The following CAB39 variants were observed in gnomAD, a reference collection of about 807,000 sequenced individuals.
CAB39 encodes calcium-binding protein 39.
In CAB39, 8 loss-of-function variants were observed where a neutral mutation model predicts 40.0. The ratio of observed to expected loss-of-function variants is 0.20; its 90% CI spans 0.12 to 0.36. The LOEUF is 0.36. CAB39 is among the 10% of genes least tolerant of loss of function. CAB39 has a pLI of 1.00. For synonymous variants in CAB39, 156 were observed against 141.6 expected (o/e 1.10, Z -0.72); for missense variants, 270 against 401.1 (o/e 0.67, Z 2.79).
At chr2:230,754,438 CCCCTCCTTCTTCCCCTTT>C (rs764257604) in intron 1 of CAB39, among the ~76,000 whole-genome samples, 4,487 of 127,816 alleles carry the variant, frequency 0.035, 317 homozygotes, top group African/African-American at 0.13. Flanking sequence ...TCTTCCCCTT[CCCCTCCTTCTTCCCCTTT>C]CCCTCCTTCT....
chr2:230,743,195 G>A (rs758622838), intron 1 of CAB39, among the ~76,000 whole-genome samples: 4 of 152,156 alleles, frequency 2.6e-5, no homozygotes, highest in Non-Finnish European at 4.4e-5. Flanking sequence ...AAGACAAGGA[G>A]TTGCAGTTTC....
intron 1 of CAB39, among the ~76,000 whole-genome samples, chr2:230,717,734 G>T (rs985109781): frequency 6.6e-6 from 1 of 152,138 alleles, no homozygotes; most frequent in Non-Finnish European, 1.5e-5. Flanking sequence ...ATTTTTGGGG[G>T]GTGTTGTGCC....
At chr2:230,761,382 G>A (rs143315937) in intron 2 of CAB39, among the ~76,000 whole-genome samples, 87 of 152,190 alleles carry the variant, frequency 5.7e-4, no homozygotes, top group African/African-American at 2.0e-3. Flanking sequence ...GTACTTAACT[G>A]TAAAAAATAT....
intron 2 of CAB39, among the ~76,000 whole-genome samples, chr2:230,785,307 T>C (rs1695769494): frequency 7.0e-6 from 1 of 142,234 alleles, no homozygotes; most frequent in Admixed American, 7.8e-5. Context: ...ACTTGGACTA[T>C]GGTAAATACA....
intron 1 of CAB39, among the ~76,000 whole-genome samples, chr2:230,715,633 C>T (rs969141875): frequency 6.6e-6 from 1 of 152,196 alleles, no homozygotes; most frequent in Non-Finnish European, 1.5e-5. Context: ...AAGACTCAGG[C>T]TGGATATAAG....
intron 7 of CAB39, among the ~76,000 whole-genome samples, chr2:230,815,239 G>T (rs541710944): frequency 6.6e-6 from 1 of 152,332 alleles, no homozygotes; most frequent in East Asian, 1.9e-4. Context: ...GCCACAGCTG[G>T]GGAACAGGCA....
chr2:230,717,716 C>T (rs988613989), intron 1 of CAB39, among the ~76,000 whole-genome samples: 1 of 152,162 alleles, frequency 6.6e-6, no homozygotes, highest in African/African-American at 2.4e-5. Context: ...CAGCTAGTTG[C>T]CATCTGCATT....
chr2:230,724,318 A>G (rs1056913069), intron 1 of CAB39, among the ~76,000 whole-genome samples: 2 of 152,130 alleles, frequency 1.3e-5, no homozygotes, highest in African/African-American at 4.8e-5. Flanking sequence ...CATGTGGTAA[A>G]AAGTAAATAA....
intron 2 of CAB39, among the ~76,000 whole-genome samples, chr2:230,760,405 A>G (rs1695268757): frequency 6.6e-6 from 1 of 152,080 alleles, no homozygotes; most frequent in South Asian, 2.1e-4. Flanking sequence ...TTTTGTAGAG[A>G]CAGGGTTGTG....
chr2:230,743,841 GTA>G (rs1306142711), intron 1 of CAB39, among the ~76,000 whole-genome samples: 10 of 150,962 alleles, frequency 6.6e-5, no homozygotes, highest in Non-Finnish European at 4.4e-5. Context: ...AATCAGGTAA[GTA>G]TGTGTATGTG....
intron 7 of CAB39, among the ~76,000 whole-genome samples, chr2:230,815,205 T>A (rs1285451732): frequency 1.3e-5 from 2 of 152,254 alleles, no homozygotes; most frequent in Non-Finnish European, 2.9e-5. Flanking sequence ...AGGCTGTAAT[T>A]CCTGCAGCAG....
At chr2:230,803,049 T>C (rs1385734577) in intron 5 of CAB39, among the ~76,000 whole-genome samples, 1 of 151,996 alleles carries the variant, frequency 6.6e-6, no homozygotes, top group African/African-American at 2.4e-5. Context: ...TCAAAAAGAG[T>C]ATCCACCACG....
chr2:230,795,969 C>T (rs148309022), intron 4 of CAB39, among the ~76,000 whole-genome samples: 257 of 152,184 alleles, frequency 1.7e-3, no homozygotes, highest in African/African-American at 5.7e-3. Context: ...TGTCTCAATC[C>T]ATTCCAGTCA....
chr2:230,725,459 G>T, intron 1 of CAB39: 2 of 1,423,006 alleles, frequency 1.4e-6, no homozygotes, highest in Non-Finnish European at 2.0e-6. Context: ...CCCGCCACCC[G>T]GCCACTCCTG....
At chr2:230,732,334 G>A (rs1044956321) in intron 1 of CAB39, among the ~76,000 whole-genome samples, 2 of 152,062 alleles carry the variant, frequency 1.3e-5, no homozygotes, top group South Asian at 2.1e-4. Flanking sequence ...CACCCACCTC[G>A]GCCTCCCAAA....
At chr2:230,816,475 G>A (rs535221161) in intron 7 of CAB39, among the ~76,000 whole-genome samples, 35 of 152,252 alleles carry the variant, frequency 2.3e-4, no homozygotes, top group African/African-American at 8.2e-4. Flanking sequence ...TTTCCTATGA[G>A]TTCCTTATAA....
rs75983499 is a variant in CAB39 at position 230,740,969 on chromosome 2, A to T, written c.-43-18990A>T. Among the ~76,000 whole-genome samples, 1,194 of 152,324 alleles carry T rather than the reference A, an allele frequency of 7.8e-3. 14 individuals carry two copies. Among genetic ancestry groups the T allele is most frequent in the African/African-American group, 0.028 (1,159 of 41,562 alleles). On this transcript the variant is annotated intron_variant, in intron 1 of 8. Coordinates refer to ENST00000258418, the MANE Select transcript of CAB39 (RefSeq NM_016289.4). ...CTTAACATAATTTAAGATCACATTTATGAAATATATGGAAAGGTAGTCTGC... is the reference window on the plus strand; with the variant it reads ...CTTAACATAATTTAAGATCACATTTTTGAAATATATGGAAAGGTAGTCTGC...
chr2:230,716,528 C>T (rs1164056168), intron 1 of CAB39, among the ~76,000 whole-genome samples: 1 of 152,134 alleles, frequency 6.6e-6, no homozygotes, highest in African/African-American at 2.4e-5. Flanking sequence ...ACCTTTCTGG[C>T]ATTGTTTCTA....
intron 1 of CAB39, among the ~76,000 whole-genome samples, chr2:230,738,515 G>T (rs1378035515): frequency 6.6e-6 from 1 of 152,196 alleles, no homozygotes; most frequent in Non-Finnish European, 1.5e-5. Context: ...GGAGTGGAAA[G>T]AATATGTTGA....
Sources: gnomAD v4.1 joint callset for allele counts (sites outside exome capture counted in the v4.1 genomes callset) on GRCh38, gnomAD v4.1.1 for gene constraint, MANE v1.5 for transcripts, NCBI Gene and HGNC (gene_info 2026-07-23, HGNC 2026-07-21) for gene names.